Variants in SYNDIG1 observed in about 807,000 individuals in gnomAD.
SYNDIG1 encodes synapse differentiation inducing 1, also known as synapse differentiation-inducing gene protein 1.
A neutral mutation model predicts 19.4 loss-of-function variants in SYNDIG1; 9 were observed. The ratio of observed to expected loss-of-function variants is 0.46; its 90% CI spans 0.28 to 0.81. SYNDIG1 has a LOEUF of 0.81. Ranked by LOEUF, SYNDIG1 falls within the 30% of genes least tolerant of loss-of-function variation. The pLI is 0.12. For missense variants in SYNDIG1, 311 were observed against 343.3 expected (o/e 0.91, Z 0.74); for synonymous variants, 141 against 145.9 (o/e 0.97, Z 0.24).
chr20:24,508,146 G>A (rs2056643270), intron 1 of SYNDIG1, among the ~76,000 whole-genome samples: 1 of 151,608 alleles, frequency 6.6e-6, no homozygotes, highest in Non-Finnish European at 1.5e-5. Context: ...GATAAGAAAG[G>A]TGAGAAGGTT....
At chr20:24,649,176 C>T (rs151167325) in intron 3 of SYNDIG1, among the ~76,000 whole-genome samples, 1 of 152,270 alleles carries the variant, frequency 6.6e-6, no homozygotes, top group East Asian at 1.9e-4. Flanking sequence ...AGGAGACATC[C>T]TGTTGAGGAG....
At chr20:24,612,162 T>TGATAAAAGAA (rs2058858565) in intron 3 of SYNDIG1, among the ~76,000 whole-genome samples, 1 of 152,240 alleles carries the variant, frequency 6.6e-6, no homozygotes, top group Admixed American at 6.5e-5. Flanking sequence ...TGATTCTTTC[T>TGATAAAAGAA]ACAAATTCTT....
chr20:24,605,309 T>C (rs1326351411), intron 3 of SYNDIG1, among the ~76,000 whole-genome samples: 3 of 152,204 alleles, frequency 2.0e-5, no homozygotes, highest in Non-Finnish European at 4.4e-5. Context: ...TGCAGACAAA[T>C]GCATTGAAAA....
Position 24,474,495 on chromosome 20 carries a change from A to G in SYNDIG1, c.-79+4742A>G, listed in dbSNP as rs114174029. Among the ~76,000 whole-genome samples the G allele has an allele frequency of 2.8e-3, 429 of 152,388 alleles. 1 individual carries two copies. The highest frequency in any genetic ancestry group is 0.01 in the African/African-American group (416 of 41,594). ...TTTCCAAAGGCACAACCCAGGGGAT[A>G]ACCTTGCCTGTTTAGTCGCATAAAA... is the stretch of plus-strand genomic sequence containing the variant. On this transcript the variant is annotated intron_variant, in intron 1 of 3. Coordinates refer to ENST00000376862, the MANE Select transcript of SYNDIG1 (RefSeq NM_024893.3).
rs1378977493 is a variant in SYNDIG1, at chr20:24,666,308, T to C, written c.*804T>C. ...CTCGAGGCACTGCAGCTATGGGCAC[T>C]GCCTCAGCCTAAAGACACAGGGGCG... is the stretch of plus-strand genomic sequence containing the variant. On this transcript the variant is annotated 3_prime_UTR_variant, in exon 4 of 4. Transcript: ENST00000376862. 1 of 152,668 alleles carries C rather than the reference T, an allele frequency of 6.6e-6. No individual in the cohort carries two copies. The highest frequency in any genetic ancestry group is 2.4e-5 in the African/African-American group (1 of 41,456). 9.5% of individuals were successfully genotyped at this position (152,668 alleles called of 1,614,324 possible).
At chr20:24,575,586 C>T (rs539601521) in intron 2 of SYNDIG1, among the ~76,000 whole-genome samples, 1 of 152,258 alleles carries the variant, frequency 6.6e-6, no homozygotes, top group South Asian at 2.1e-4. Context: ...CTAGGACGTG[C>T]AAGGCATTTG....
chr20:24,665,815 C>T lies in SYNDIG1; in HGVS notation c.*311C>T, dbSNP rs1465516492. The T allele has an allele frequency of 7.6e-6, 3 of 394,612 alleles. No homozygotes were observed. The highest frequency in any genetic ancestry group is 4.3e-5 in the African/African-American group (2 of 47,054). The allele number at this position is 394,612 out of a possible 1,614,324, so 24.4% of individuals were successfully genotyped here. A position where few individuals can be genotyped will look rare whatever the true frequency, so the allele number is the denominator to read the frequency against. On this transcript the variant is annotated 3_prime_UTR_variant, in exon 4 of 4. Transcript: ENST00000376862. ...CGCGGCTCTCTGCAGCCTGCCAGTG[C>T]CCAGAGTGCCACCGCATTAGCAATA...
At chr20:24,592,838 C>T (rs188123789) in intron 3 of SYNDIG1, among the ~76,000 whole-genome samples, 73 of 152,284 alleles carry the variant, frequency 4.8e-4, no homozygotes, top group African/African-American at 1.7e-3. Flanking sequence ...GTCTCAAACT[C>T]CTGGGCTCAA....
chr20:24,575,216 A>G (rs1160820865), intron 2 of SYNDIG1, among the ~76,000 whole-genome samples: 2 of 152,202 alleles, frequency 1.3e-5, no homozygotes, highest in Non-Finnish European at 1.5e-5. Flanking sequence ...AATCATGTCT[A>G]TTGATGATGG....
chr20:24,558,860 C>T (rs574435058), intron 2 of SYNDIG1, among the ~76,000 whole-genome samples: 4 of 152,306 alleles, frequency 2.6e-5, no homozygotes, highest in South Asian at 2.1e-4. Context: ...ATGTATTTCA[C>T]AGGCATGTTA....
chr20:24,529,535 T>C (rs973502175), intron 1 of SYNDIG1, among the ~76,000 whole-genome samples: 1 of 152,246 alleles, frequency 6.6e-6, no homozygotes, highest in Non-Finnish European at 1.5e-5. Flanking sequence ...GTTGTGGGTG[T>C]AGTCCAATAA....
At chr20:24,481,105 A>T (rs2055784062) in intron 1 of SYNDIG1, among the ~76,000 whole-genome samples, 1 of 152,148 alleles carries the variant, frequency 6.6e-6, no homozygotes. Flanking sequence ...TGTAAATTTT[A>T]TGTTGTGTGT....
chr20:24,532,748 G>C (rs960870832), intron 1 of SYNDIG1, among the ~76,000 whole-genome samples: 1 of 152,200 alleles, frequency 6.6e-6, no homozygotes, highest in Admixed American at 6.5e-5. Flanking sequence ...GAGCTGTTTC[G>C]CCAGCTTTCC....
chr20:24,650,827 T>A (rs2059464072), intron 3 of SYNDIG1, among the ~76,000 whole-genome samples: 1 of 90,800 alleles, frequency 1.1e-5, no homozygotes, highest in Admixed American at 1.4e-4. Context: ...ATGACTCTTA[T>A]TTCTTGTTTC....
At chr20:24,570,781 G>A (rs941388695) in intron 2 of SYNDIG1, among the ~76,000 whole-genome samples, 3 of 152,154 alleles carry the variant, frequency 2.0e-5, no homozygotes, top group Non-Finnish European at 4.4e-5. Flanking sequence ...CTACTCCAAG[G>A]TATTTGTGCT....
At chr20:24,561,654 T>A (rs2057948128) in intron 2 of SYNDIG1, among the ~76,000 whole-genome samples, 1 of 152,206 alleles carries the variant, frequency 6.6e-6, no homozygotes, top group Non-Finnish European at 1.5e-5. Flanking sequence ...GCTGGTCAGT[T>A]TGAGAGCCTG....
intron 3 of SYNDIG1, among the ~76,000 whole-genome samples, chr20:24,611,699 C>G (rs2058851028): frequency 6.6e-6 from 1 of 152,166 alleles, no homozygotes; most frequent in Non-Finnish European, 1.5e-5. Context: ...GCTTCCACTT[C>G]TTCCACAGGA....
chr20:24,506,628 G>A (rs1056310679), intron 1 of SYNDIG1, among the ~76,000 whole-genome samples: 1 of 152,204 alleles, frequency 6.6e-6, no homozygotes, highest in Admixed American at 6.5e-5. Flanking sequence ...TACTGGGATG[G>A]AACTGTGGCC....
intron 3 of SYNDIG1, among the ~76,000 whole-genome samples, chr20:24,649,239 G>A (rs1568715250): frequency 2.0e-5 from 3 of 152,182 alleles, no homozygotes. Flanking sequence ...TAACAGTTCT[G>A]CTTTGGGTGG....
Sources: allele counts gnomAD v4.1 joint callset (sites outside exome capture counted in the v4.1 genomes callset), GRCh38; gene constraint gnomAD v4.1.1; transcripts MANE v1.5; gene names NCBI Gene and HGNC (gene_info 2026-07-23, HGNC 2026-07-21).